Variants in BAIAP2L1 observed in about 807,000 individuals in gnomAD.
BAIAP2L1 encodes the protein BAR/IMD domain containing adaptor protein 2 like 1.
In BAIAP2L1, 35 loss-of-function variants were observed where a neutral mutation model predicts 66.3. That is an observed-to-expected ratio of 0.53 (90% CI 0.40 to 0.70). The LOEUF is 0.70. Ranked by LOEUF, BAIAP2L1 falls within the 30% of genes least tolerant of loss-of-function variation. The probability of loss-of-function intolerance (pLI) is 0.00; values close to 1 mark genes in which losing one functional copy is unlikely to be tolerated. For synonymous variants in BAIAP2L1, 269 were observed against 248.7 expected (o/e 1.08, Z -0.77); for missense variants, 622 against 656.9 (o/e 0.95, Z 0.58).
chr7:98,294,059 G>C lies in BAIAP2L1; in HGVS notation c.1460+15C>G. ...AATGTCACACACTGAGGCTCACGTA[G>C]GAAGCCACGCCTACCTGAGAAAAGG... On this transcript the variant is annotated intron_variant, in intron 13 of 13. Coordinates refer to ENST00000005260, the MANE Select transcript of BAIAP2L1 (RefSeq NM_018842.5). 2 of 1,613,712 alleles carry C rather than the reference G, an allele frequency of 1.2e-6. No individual in the cohort carries two copies. Among genetic ancestry groups the C allele is most frequent in the Non-Finnish European group, 1.7e-6 (2 of 1,179,600 alleles).
chr7:98,317,309 A>G lies in BAIAP2L1; in HGVS notation c.396T>C (p.Ser132=). 1 of 1,614,198 alleles carries G rather than the reference A, an allele frequency of 6.2e-7. No individual in the cohort carries two copies. Among genetic ancestry groups the G allele is most frequent in the Non-Finnish European group, 8.5e-7 (1 of 1,180,016 alleles). The change falls in exon 6 of 14, where the codon TCT becomes TCC. Residue 132 remains serine (S), a synonymous_variant. Coordinates refer to ENST00000005260, the MANE Select transcript of BAIAP2L1 (RefSeq NM_018842.5). ...YQTEHKNKLE[S]LEKSQAELKK... ...TCAACTCAGCTTGGGATTTCTCCAA[A>G]GACTCTAATTTATTCTTGTGTTCTG...
intron 1 of BAIAP2L1, among the ~76,000 whole-genome samples, chr7:98,382,689 G>C (rs1297979044): frequency 1.3e-5 from 2 of 152,140 alleles, no homozygotes; most frequent in Non-Finnish European, 1.5e-5. Flanking sequence ...AAAGCGTTCA[G>C]GTTGAAGCTT....
chr7:98,350,440 G>A (rs1368301131), intron 3 of BAIAP2L1, among the ~76,000 whole-genome samples: 1 of 151,976 alleles, frequency 6.6e-6, no homozygotes, highest in African/African-American at 2.4e-5. Context: ...GGCAGATCAC[G>A]AGGTCAAGAG....
chr7:98,304,865 ATTTT>A (rs11423233), intron 11 of BAIAP2L1, among the ~76,000 whole-genome samples: 5 of 136,318 alleles, frequency 3.7e-5, no homozygotes, highest in Non-Finnish European at 6.2e-5. Flanking sequence ...CTCACAAGAA[ATTTT>A]TTTTTTTTTT....
chr7:98,372,283 G>A (rs553605038), intron 1 of BAIAP2L1, among the ~76,000 whole-genome samples: 43 of 152,186 alleles, frequency 2.8e-4, no homozygotes, highest in Non-Finnish European at 5.3e-4. Flanking sequence ...ACGGGCGCCT[G>A]TAGTCCCAGC....
At chr7:98,364,986 C>CAGAAAA (rs1802358955) in intron 1 of BAIAP2L1, among the ~76,000 whole-genome samples, 1 of 30,782 alleles carries the variant, frequency 3.2e-5, no homozygotes, top group Non-Finnish European at 5.4e-5. Context: ...GGATATGTCT[C>CAGAAAA]AAAAAAAAAA....
Position 98,312,153 on chromosome 7 carries a change from A to G in BAIAP2L1, c.751T>C (p.Ser251Pro), listed in dbSNP as rs762626607. The G allele has an allele frequency of 1.9e-6, 3 of 1,614,074 alleles. No homozygotes were observed. In the South Asian group the frequency reaches 3.3e-5, roughly 18 times the overall value. The change falls in exon 8 of 14, where the codon TCT becomes CCT. Residue 251 changes from serine to proline, a missense_variant. Ser to Pro is a moderately conservative substitution (Grantham distance 74, BLOSUM62 -1). Transcript: ENST00000005260. ...TGAGGAGTTCCAGACACGGGGGTAG[A>G]GGCTGGGGTCTTTATTTCTTCGATC... ...NMIEEIKTPASTPVSGTPQAS... is the reference protein window; with the variant it reads ...NMIEEIKTPAPTPVSGTPQAS...
At position 98,374,977 on chromosome 7, in the gene BAIAP2L1, C is replaced by T. The variant is rs1802585695; in HGVS notation, c.52-12545G>A. On this transcript the variant is annotated intron_variant, in intron 1 of 13. Transcript: ENST00000005260. ...CAGTGTGTACCTGTGGTCCTGGCTA[C>T]TTGGGAGGCTGAGGGAGGAGAAGTG... 2.0e-5 allele frequency among the ~76,000 whole-genome samples: 3 copies of T among 152,170 alleles called. No homozygotes were observed. In the South Asian group the frequency reaches 6.2e-4, roughly 32 times the overall value.
At chr7:98,343,858 C>T (rs1164598018) in intron 3 of BAIAP2L1, among the ~76,000 whole-genome samples, 1 of 152,174 alleles carries the variant, frequency 6.6e-6, no homozygotes, top group Non-Finnish European at 1.5e-5. Flanking sequence ...TAACCCCAGA[C>T]AGGAACAAAT....
chr7:98,342,832 T>C (rs548963617), intron 3 of BAIAP2L1, among the ~76,000 whole-genome samples: 3 of 152,280 alleles, frequency 2.0e-5, no homozygotes, highest in East Asian at 3.9e-4. Flanking sequence ...TTCAATATTT[T>C]CTGAGTTATA....
intron 8 of BAIAP2L1, 140 bp downstream of exon 8, chr7:98,311,957 G>T: frequency 1.2e-6 from 1 of 829,050 alleles, no homozygotes. Flanking sequence ...CGCCCCTAAA[G>T]GTAAGGGGAT....
At chr7:98,295,192 G>T (rs7783403) in intron 12 of BAIAP2L1, among the ~76,000 whole-genome samples, 5 of 152,158 alleles carry the variant, frequency 3.3e-5, no homozygotes, top group African/African-American at 1.2e-4. Flanking sequence ...TGGAGGCCCA[G>T]GCCAGGCCTC....
At chr7:98,330,974 T>C (rs1801482395) in intron 3 of BAIAP2L1, among the ~76,000 whole-genome samples, 1 of 151,984 alleles carries the variant, frequency 6.6e-6, no homozygotes, top group South Asian at 2.1e-4. Context: ...CCTCCAATAG[T>C]GGGGGTCACA....
chr7:98,382,707 T>A (rs1802786397), intron 1 of BAIAP2L1, among the ~76,000 whole-genome samples: 1 of 152,196 alleles, frequency 6.6e-6, no homozygotes, highest in African/African-American at 2.4e-5. Context: ...CTTTGGCAAT[T>A]AGCAAGCTAT....
intron 5 of BAIAP2L1, among the ~76,000 whole-genome samples, chr7:98,317,557 T>C (rs1206004205): frequency 6.8e-6 from 1 of 147,742 alleles, no homozygotes; most frequent in African/African-American, 2.5e-5. Flanking sequence ...ATGCCCACAC[T>C]TCGCACCATC....
At chr7:98,381,515 T>C (rs2115804103) in intron 1 of BAIAP2L1, among the ~76,000 whole-genome samples, 1 of 152,314 alleles carries the variant, frequency 6.6e-6, no homozygotes, top group East Asian at 1.9e-4. Flanking sequence ...GTACAGTCTT[T>C]GGGCTTAGCC....
At chr7:98,324,972 G>A (rs1554414384) in intron 3 of BAIAP2L1, among the ~76,000 whole-genome samples, 1 of 152,236 alleles carries the variant, frequency 6.6e-6, no homozygotes, top group Non-Finnish European at 1.5e-5. Flanking sequence ...AGCAACGCCT[G>A]AGTCACGCAC....
chr7:98,379,977 T>G (rs1387450670), intron 1 of BAIAP2L1, among the ~76,000 whole-genome samples: 1 of 152,180 alleles, frequency 6.6e-6, no homozygotes, highest in East Asian at 1.9e-4. Flanking sequence ...AAATTTAAAT[T>G]GTGGTGACGG....
intron 1 of BAIAP2L1, among the ~76,000 whole-genome samples, chr7:98,363,961 G>A (rs531242568): frequency 1.3e-5 from 2 of 152,132 alleles, no homozygotes; most frequent in Admixed American, 6.6e-5. Flanking sequence ...TCTTATGCCC[G>A]AGAGCACTTT....
Sources: allele counts gnomAD v4.1 joint callset (sites outside exome capture counted in the v4.1 genomes callset), GRCh38; gene constraint gnomAD v4.1.1; transcripts MANE v1.5; gene names NCBI Gene and HGNC (gene_info 2026-07-23, HGNC 2026-07-21).